The following LPAR6 variants were observed in gnomAD, a reference collection of about 807,000 sequenced individuals.
LPAR6 encodes G-protein coupled purinergic receptor P2Y5.
Under a neutral mutation model 22.0 loss-of-function variants are expected in LPAR6, and 17 were observed. The observed-to-expected ratio is 0.77, with a 90% confidence interval of 0.53 to 1.16. The LOEUF is 1.16. Ranked by LOEUF, LPAR6 falls within the 50% of genes most tolerant of loss-of-function variation. LPAR6 has a pLI of 0.00. For synonymous variants in LPAR6, 136 were observed against 139.8 expected (o/e 0.97, Z 0.19); for missense variants, 384 against 406.9 (o/e 0.94, Z 0.48).
At chr13:48,419,794 T>C (rs925639186) in intron 2 of LPAR6, among the ~76,000 whole-genome samples, 2 of 152,114 alleles carry the variant, frequency 1.3e-5, no homozygotes, top group African/African-American at 4.8e-5. Flanking sequence ...CTAGAAGAAA[T>C]GGATAAATTC....
upstream of LPAR6, among the ~76,000 whole-genome samples, chr13:48,417,606 C>G (rs990927430): frequency 6.6e-6 from 1 of 152,064 alleles, no homozygotes; most frequent in African/African-American, 2.4e-5. Flanking sequence ...GGACCATGTT[C>G]TAACCCAATG....
chr13:48,404,940 T>A (rs1419650097), intron 1 of LPAR6, among the ~76,000 whole-genome samples: 1 of 152,214 alleles, frequency 6.6e-6, no homozygotes, highest in Non-Finnish European at 1.5e-5. Context: ...TTAGGAATAC[T>A]GGATATTTTA....
At chr13:48,442,526 C>T (rs1356286527) in intron 1 of LPAR6, among the ~76,000 whole-genome samples, 1 of 152,140 alleles carries the variant, frequency 6.6e-6, no homozygotes, top group Non-Finnish European at 1.5e-5. Context: ...AACTTTCCTA[C>T]TGTACTTAGG....
intron 1 of LPAR6, among the ~76,000 whole-genome samples, chr13:48,432,855 A>T (rs1257468991): frequency 6.6e-6 from 1 of 152,170 alleles, no homozygotes; most frequent in African/African-American, 2.4e-5. Context: ...AATAAAATTA[A>T]AAGGAAAAAA....
intron 1 of LPAR6, among the ~76,000 whole-genome samples, chr13:48,433,382 C>G (rs1450654419): frequency 6.6e-6 from 1 of 151,946 alleles, no homozygotes; most frequent in Non-Finnish European, 1.5e-5. Context: ...CATTAAAATT[C>G]TTATTTAAGA....
intron 2 of LPAR6, among the ~76,000 whole-genome samples, chr13:48,421,411 A>G (rs967838596): frequency 6.6e-6 from 1 of 152,146 alleles, no homozygotes; most frequent in Admixed American, 6.5e-5. Context: ...AGCCATGAAA[A>G]CCCTAGAAGA....
At chr13:48,390,840 C>T (rs989521883) in intron 1 of LPAR6, among the ~76,000 whole-genome samples, 7 of 152,052 alleles carry the variant, frequency 4.6e-5, no homozygotes, top group African/African-American at 1.2e-4. Context: ...TTAACTTATA[C>T]GTGTCTTTAT....
In LPAR6 at chr13:48,400,718, T is replaced by C. The variant is rs151164259; in HGVS notation, n.115-10906A>G. On this transcript the variant is annotated intron_variant and non_coding_transcript_variant, in intron 1 of 1. Transcript: ENST00000462781. ...TTATGTCTCTGTATCTCAGGTTTCC[T>C]TGTATGTAAAATAGGGATAACTTTC... is the stretch of plus-strand genomic sequence containing the variant. Among the ~76,000 whole-genome samples, 32 of 152,248 alleles carry C rather than the reference T, an allele frequency of 2.1e-4. No individual in the cohort carries two copies. In the East Asian group the frequency reaches 6.2e-3, roughly 29 times the overall value.
In LPAR6 at chr13:48,390,757, G is replaced by A. The variant is rs1283174191; in HGVS notation, n.115-945C>T. 5.9e-5 allele frequency among the ~76,000 whole-genome samples: 9 copies of A among 152,086 alleles called. No homozygotes were observed. In the East Asian group the frequency reaches 1.7e-3, roughly 29 times the overall value. The stretch of plus-strand genomic sequence containing the variant: ...ATTGTTTGCTCTGAAAACTACTTGT[G>A]CCTGATACTAGTGAAGCCATTCCAG... On this transcript the variant is annotated intron_variant and non_coding_transcript_variant, in intron 1 of 1. Coordinates refer to the LPAR6 transcript ENST00000462781.
intron 1 of LPAR6, among the ~76,000 whole-genome samples, chr13:48,400,389 G>A (rs1344132183): frequency 1.3e-5 from 2 of 152,194 alleles, no homozygotes; most frequent in East Asian, 3.9e-4. Context: ...TTTTAACTCA[G>A]GCTATCTGGT....
chr13:48,416,923 G>T (rs1340530065), upstream of LPAR6, among the ~76,000 whole-genome samples: 1 of 152,176 alleles, frequency 6.6e-6, no homozygotes, highest in Non-Finnish European at 1.5e-5. Context: ...CCAGTCAGGG[G>T]CTTATAGATA....
Position 48,411,522 on chromosome 13 carries a change from G to T in LPAR6, c.902C>A (p.Ser301Ter). The T allele has an allele frequency of 6.2e-7, 1 of 1,612,454 alleles. No individual in the cohort carries two copies. The highest frequency in any genetic ancestry group is 8.5e-7 in the Non-Finnish European group (1 of 1,179,370). ...YYFTSDTIQN[S>*]IKMKNWSVRR... ...GACAGACCAGTTTTTCATTTTTATTGAATTCTGAATTGTGTCCGATGTAAA... is the reference window on the plus strand; with the variant it reads ...GACAGACCAGTTTTTCATTTTTATTTAATTCTGAATTGTGTCCGATGTAAA... Residue 301 changes from serine (S) to a stop codon, truncating the protein, a stop_gained, in exon 1 of 1, where the codon TCA (serine) becomes TAA (stop). Coordinates refer to ENST00000620633, the MANE Select transcript of LPAR6 (RefSeq NM_001162498.3). LOFTEE classifies it high-confidence loss of function.
intron 1 of LPAR6, among the ~76,000 whole-genome samples, chr13:48,442,155 C>T (rs184762650): frequency 6.6e-6 from 1 of 152,120 alleles, no homozygotes; most frequent in South Asian, 2.1e-4. Context: ...CTGTTTCTCA[C>T]ATTGTATTAG....
chr13:48,434,462 A>G (rs1202504588), intron 1 of LPAR6, among the ~76,000 whole-genome samples: 1 of 151,892 alleles, frequency 6.6e-6, no homozygotes, highest in East Asian at 1.9e-4. Context: ...CAAGCCTAAG[A>G]CTCCTAAGAT....
intron 1 of LPAR6, among the ~76,000 whole-genome samples, chr13:48,441,229 G>A (rs1350691209): frequency 6.6e-6 from 1 of 152,200 alleles, no homozygotes; most frequent in Non-Finnish European, 1.5e-5. Flanking sequence ...TCAGATGGTG[G>A]AAGGGACAAG....
In LPAR6 at chr13:48,411,969, AC is replaced by A; in HGVS notation, c.454del (p.Val152PhefsTer34). On this transcript the variant is annotated frameshift_variant, in exon 1 of 1. Coordinates refer to ENST00000620633, the MANE Select transcript of LPAR6 (RefSeq NM_001162498.3). LOFTEE classifies it high-confidence loss of function. ...LTVIGGSAPA[V>X]FVQSTHSQGN... is the part of the protein sequence containing the mutation. ...CTGAGAGTGGGTAGACTGAACAAAA[AC>A]GGCGGGTGCACTTCCTCCGATCACA... is the stretch of plus-strand genomic sequence containing the variant. 6.3e-7 allele frequency: 1 copy of A among 1,595,814 alleles called. No homozygotes were observed. The highest frequency in any genetic ancestry group is 8.5e-7 in the Non-Finnish European group (1 of 1,169,818).
At chr13:48,441,093 T>C (rs1282115714) in intron 1 of LPAR6, among the ~76,000 whole-genome samples, 1 of 152,190 alleles carries the variant, frequency 6.6e-6, no homozygotes, top group Non-Finnish European at 1.5e-5. Flanking sequence ...TGGTGGCTTA[T>C]AAACAACAGA....
In LPAR6 at chr13:48,412,263, G is replaced by C; in HGVS notation, c.161C>G (p.Thr54Ser). 1 of 1,614,034 alleles carries C rather than the reference G, an allele frequency of 6.2e-7. No homozygotes were observed. Among genetic ancestry groups the C allele is most frequent in the Non-Finnish European group, 8.5e-7 (1 of 1,179,946 alleles). ...CVLKVRNETT[T>S]YMINLAMSDL... is the part of the protein sequence containing the mutation. Reference sequence around the variant, plus strand: ...TGACATTGCCAAGTTAATCATGTAAGTTGTAGTTTCATTTCGGACTTTGAG... The same window carrying C: ...TGACATTGCCAAGTTAATCATGTAACTTGTAGTTTCATTTCGGACTTTGAG... Residue 54 changes from threonine to serine, a missense_variant, in exon 1 of 1, where the codon ACT becomes AGT. Coordinates refer to ENST00000620633, the MANE Select transcript of LPAR6 (RefSeq NM_001162498.3).
chr13:48,414,662 A>G (rs571248886), upstream of LPAR6, among the ~76,000 whole-genome samples: 115 of 152,266 alleles, frequency 7.6e-4, no homozygotes, highest in Non-Finnish European at 1.3e-3. Context: ...AACTTATTAC[A>G]GTAAAATGTT....
Sources: allele counts gnomAD v4.1 joint callset (sites outside exome capture counted in the v4.1 genomes callset), GRCh38; gene constraint gnomAD v4.1.1; transcripts MANE v1.5; gene names NCBI Gene and HGNC (gene_info 2026-07-23, HGNC 2026-07-21).